KIF2C: variants seen among roughly 807,000 people sequenced by gnomAD.
KIF2C encodes kinesin-like protein KIF2C.
In KIF2C, 34 loss-of-function variants were observed where a neutral mutation model predicts 97.4. That is an observed-to-expected ratio of 0.35 (90% CI 0.27 to 0.46). KIF2C has a LOEUF of 0.46. Ranked by LOEUF, KIF2C falls within the 20% of genes least tolerant of loss-of-function variation. The probability of loss-of-function intolerance (pLI) is 1.00; values close to 1 mark genes in which losing one functional copy is unlikely to be tolerated. For missense variants in KIF2C, 750 were observed against 907.6 expected, an observed-to-expected ratio of 0.83 and a Z score of 2.23; for synonymous variants, 313 against 318.2, an observed-to-expected ratio of 0.98 and a Z score of 0.17.
Position 44,753,266 on chromosome 1 carries a change from G to A in KIF2C, c.562+12G>A. 1 of 1,607,370 alleles carries A rather than the reference G, an allele frequency of 6.2e-7. No individual in the cohort carries two copies. Among genetic ancestry groups the A allele is most frequent in the Non-Finnish European group, 8.5e-7 (1 of 1,175,062 alleles). On this transcript the variant is annotated intron_variant, in intron 6 of 20. Transcript: ENST00000372224. ...CCCTGTGAACTCAGGTAGACACACT[G>A]AGCTGTCTGCTGTTCTGCTTCTAGT... is the stretch of plus-strand genomic sequence containing the variant.
intron 13 of KIF2C, 160 bp from the exon 14 acceptor site, chr1:44,759,046 A>G: frequency 1.2e-6 from 1 of 865,088 alleles, no homozygotes; most frequent in East Asian, 2.6e-5. Flanking sequence ...CTCAGATCCC[A>G]AGTATATTGA....
In KIF2C at chr1:44,754,861, G is replaced by C; in HGVS notation, c.759+16G>C. 1.4e-6 allele frequency: 2 copies of C among 1,466,010 alleles called. No homozygotes were observed. Among genetic ancestry groups the C allele is most frequent in the Non-Finnish European group, 1.9e-6 (2 of 1,045,784 alleles). 90.8% of individuals were successfully genotyped at this position (1,466,010 alleles called of 1,614,324 possible). A position where few individuals can be genotyped will look rare whatever the true frequency, so the allele number is the denominator to read the frequency against. On this transcript the variant is annotated intron_variant, in intron 8 of 20. Coordinates refer to ENST00000372224, the MANE Select transcript of KIF2C (RefSeq NM_006845.4). ...GACTGATCCTGTAAGTACATCCAAA[G>C]AACTTCTCTTTCTTAAGTGTACAAT...
intron 7 of KIF2C, among the ~76,000 whole-genome samples, chr1:44,754,390 C>A (rs780752870): frequency 6.6e-6 from 1 of 152,166 alleles, no homozygotes; most frequent in Non-Finnish European, 1.5e-5. Context: ...AGAGGGGCTG[C>A]AGGGCACAAT....
chr1:44,763,017 A>G (rs1291808683), intron 19 of KIF2C, among the ~76,000 whole-genome samples: 1 of 152,200 alleles, frequency 6.6e-6, no homozygotes, highest in Non-Finnish European at 1.5e-5. Context: ...AACATGAAGT[A>G]TAGGTAATAG....
intron 2 of KIF2C, among the ~76,000 whole-genome samples, chr1:44,741,273 T>C (rs904884462): frequency 6.6e-6 from 1 of 151,838 alleles, no homozygotes; most frequent in African/African-American, 2.4e-5. Context: ...TCCCAACTAC[T>C]TGGGAGCCTG....
At chr1:44,747,734 A>C (rs1557590916) in intron 4 of KIF2C, 34 bp downstream of exon 4, 2 of 1,590,150 alleles carry the variant, frequency 1.3e-6, no homozygotes, top group African/African-American at 1.3e-5. Context: ...CTATCATGGA[A>C]TTTGTGTCAG....
At chr1:44,753,868 G>A (rs775486450) in intron 7 of KIF2C, 35 bp downstream of exon 7, 4 of 1,362,570 alleles carry the variant, frequency 2.9e-6, no homozygotes, top group Non-Finnish European at 4.1e-6. Flanking sequence ...AAGGGTTTTT[G>A]GACAGGTGTC....
Position 44,760,500 on chromosome 1 carries a change from G to C in KIF2C, c.1572+16G>C. The C allele has an allele frequency of 1.2e-6, 2 of 1,613,560 alleles. No individual in the cohort carries two copies. The highest frequency in any genetic ancestry group is 1.7e-6 in the Non-Finnish European group (2 of 1,179,740). ...AGCCCTGAAGGTAGTGGGGCAGCTA[G>C]AGCTGGTTGGCCGGGAGAGCTACTG... On this transcript the variant is annotated intron_variant, in intron 15 of 20. Coordinates refer to ENST00000372224, the MANE Select transcript of KIF2C (RefSeq NM_006845.4). This position sits in a 1 kb window ranked among gnomAD's most constrained non-coding sequence, Gnocchi z 4.2.
chr1:44,759,550 C>G (rs544496078), intron 14 of KIF2C, among the ~76,000 whole-genome samples: 1 of 152,260 alleles, frequency 6.6e-6, no homozygotes, highest in East Asian at 1.9e-4. Flanking sequence ...AGGTCAGGCA[C>G]AGTGGCTCAC....
At chr1:44,756,772 A>C (rs1209109644) in intron 10 of KIF2C, among the ~76,000 whole-genome samples, 1 of 151,310 alleles carries the variant, frequency 6.6e-6, no homozygotes, top group Non-Finnish European at 1.5e-5. Flanking sequence ...GGCTGGTCTC[A>C]AACTCCTGAC....
At chr1:44,753,075 G>C in intron 5 of KIF2C, 57 bp from the exon 6 acceptor site, 1 of 1,571,666 alleles carries the variant, frequency 6.4e-7, no homozygotes, top group African/African-American at 1.3e-5. Context: ...CATGGGCTCA[G>C]GTGAGATGCC....
intron 2 of KIF2C, among the ~76,000 whole-genome samples, chr1:44,744,736 T>TA: frequency 2.0e-5 from 3 of 151,884 alleles, no homozygotes; most frequent in Admixed American, 2.0e-4. Context: ...GCATCTCTAC[T>TA]AAAAATCCAA....
intron 2 of KIF2C, chr1:44,746,668 T>C (rs1052202220): frequency 1.3e-6 from 2 of 1,576,604 alleles, no homozygotes; most frequent in African/African-American, 2.7e-5. Context: ...TACCCGACTG[T>C]TTGCCTGCCT....
Position 44,747,437 on chromosome 1 carries a change from C to T in KIF2C, c.219C>T (p.Pro73=), listed in dbSNP as rs762709441. The T allele has an allele frequency of 3.1e-6, 5 of 1,611,016 alleles. No homozygotes were observed. Among genetic ancestry groups the T allele is most frequent in the African/African-American group, 1.3e-5 (1 of 74,802 alleles). ...AINPELLQLL[P]LHPKDNLPLQ... ...ACCCAGAACTCTTACAGCTTCTTCC[C>T]TTACATCCGAAGGACAATCTGCCCT... Residue 73 remains proline (P), a synonymous_variant, in exon 3 of 21, where the codon CCC becomes CCT. Coordinates refer to ENST00000372224, the MANE Select transcript of KIF2C (RefSeq NM_006845.4).
Position 44,761,906 on chromosome 1 carries a change from T to G in KIF2C, c.1684-10T>G. 1 of 1,613,520 alleles carries G rather than the reference T, an allele frequency of 6.2e-7. No homozygotes were observed. Among genetic ancestry groups the G allele is most frequent in the Non-Finnish European group, 8.5e-7 (1 of 1,179,480 alleles). The stretch of plus-strand genomic sequence containing the variant: ...CTCTCAGCCTTTAATCACCCACCCC[T>G]CTTTTGCAGATTGCCACGATCTCAC... On this transcript the variant is annotated splice_polypyrimidine_tract_variant and intron_variant, in intron 16 of 20. Coordinates refer to ENST00000372224, the MANE Select transcript of KIF2C (RefSeq NM_006845.4).
chr1:44,758,494 C>T (rs1188880776), intron 13 of KIF2C, among the ~76,000 whole-genome samples: 4 of 152,156 alleles, frequency 2.6e-5, no homozygotes, highest in African/African-American at 9.7e-5. Flanking sequence ...CTCTTCCACC[C>T]CTCTCTCTAT....
Position 44,762,619 on chromosome 1 carries a change from G to A in KIF2C, c.1932G>A (p.Leu644=). The A allele has an allele frequency of 1.2e-6, 2 of 1,614,118 alleles. No homozygotes were observed. Among genetic ancestry groups the A allele is most frequent in the Non-Finnish European group, 8.5e-7 (1 of 1,180,000 alleles). The change falls in exon 19 of 21, where the codon CTG becomes CTA. Residue 644 remains leucine, a synonymous_variant. Coordinates refer to ENST00000372224, the MANE Select transcript of KIF2C (RefSeq NM_006845.4). ...AAGCCATGACTCAGATCAGGGAGCT[G>A]GAGGAGAAGGCTATGGAAGAGCTCA... The part of the protein sequence containing the change: ...FNEAMTQIRE[L]EEKAMEELKE...
Position 44,756,223 on chromosome 1 carries a change from T to A in KIF2C, c.963T>A (p.Asn321Lys), listed in dbSNP as rs746493141. Residue 321 changes from asparagine to lysine, a missense_variant, in exon 10 of 21, where the codon AAT becomes AAA. By Grantham distance (94) the Asn-to-Lys change is moderately conservative. Coordinates refer to ENST00000372224, the MANE Select transcript of KIF2C (RefSeq NM_006845.4). ...FDFAFDETAS[N>K]EVVYRFTARP... is the part of the protein sequence containing the mutation. ...TTGCATTTGATGAAACAGCTTCGAA[T>A]GAAGTTGTCTACAGGTTAGTCCCTT... 1 of 1,614,224 alleles carries A rather than the reference T, an allele frequency of 6.2e-7. No homozygotes were observed. The highest frequency in any genetic ancestry group is 8.5e-7 in the Non-Finnish European group (1 of 1,180,046).
At chr1:44,753,918 C>A in intron 7 of KIF2C, 85 bp downstream of exon 7, 1 of 569,204 alleles carries the variant, frequency 1.8e-6, no homozygotes, top group Middle Eastern at 3.0e-4. Context: ...TACAGTTGGG[C>A]CCCAGCATTT....
Sources: allele counts gnomAD v4.1 joint callset (sites outside exome capture counted in the v4.1 genomes callset), GRCh38; gene constraint gnomAD v4.1.1; non-coding constraint Gnocchi (gnomAD v3.1); transcripts MANE v1.5; gene names NCBI Gene and HGNC (gene_info 2026-07-23, HGNC 2026-07-21).